The following FBXW11 variants were observed in gnomAD, a reference collection of about 807,000 sequenced individuals.
FBXW11 encodes the protein F-box/WD repeat-containing protein 11.
Under a neutral mutation model 77.6 loss-of-function variants are expected in FBXW11, and 19 were observed. The observed-to-expected ratio is 0.24, with a 90% CI of 0.17 to 0.36. FBXW11 has a LOEUF of 0.36. Ranked by LOEUF, FBXW11 falls within the 10% of genes least tolerant of loss-of-function variation. The pLI is 1.00. For synonymous variants in FBXW11, 235 were observed against 249.4 expected, an observed-to-expected ratio of 0.94 and a Z score of 0.54; for missense variants, 334 against 704.2, an observed-to-expected ratio of 0.47 and a Z score of 5.95.
chr5:171,921,400 C>A (rs536064037), intron 2 of FBXW11, among the ~76,000 whole-genome samples: 1 of 152,166 alleles, frequency 6.6e-6, no homozygotes, highest in East Asian at 1.9e-4. Flanking sequence ...AAGAGTCACA[C>A]AGCTAGTAAA....
chr5:171,947,028 G>C (rs1395623860), intron 2 of FBXW11, among the ~76,000 whole-genome samples: 1 of 151,990 alleles, frequency 6.6e-6, no homozygotes, highest in African/African-American at 2.4e-5. Context: ...TAGCCAGGCT[G>C]GTCTTGAACT....
At chr5:171,990,167 G>C (rs1160353233) in intron 1 of FBXW11, among the ~76,000 whole-genome samples, 1 of 151,292 alleles carries the variant, frequency 6.6e-6, no homozygotes, top group African/African-American at 2.4e-5. Flanking sequence ...GAGAAGGGAG[G>C]GGGGTAGCAG....
intron 2 of FBXW11, among the ~76,000 whole-genome samples, chr5:171,948,385 T>C (rs922191358): frequency 1.3e-5 from 2 of 151,740 alleles, no homozygotes; most frequent in African/African-American, 2.4e-5. Context: ...GAGATTATGA[T>C]TGACTGGTTA....
At chr5:171,926,001 C>A (rs1414068442) in intron 2 of FBXW11, among the ~76,000 whole-genome samples, 1 of 152,172 alleles carries the variant, frequency 6.6e-6, no homozygotes, top group Non-Finnish European at 1.5e-5. Context: ...CTCATCTTTA[C>A]AAATAAAATT....
intron 7 of FBXW11, among the ~76,000 whole-genome samples, chr5:171,882,707 C>CT (rs34663550): frequency 0.84 from 127,127 of 151,798 alleles, 55,274 homozygotes; most frequent in East Asian, 1. Flanking sequence ...TTTCCAGCTT[C>CT]TTTTTTTTAC....
At chr5:171,917,154 CG>C (rs1401608543) in intron 2 of FBXW11, among the ~76,000 whole-genome samples, 3 of 152,026 alleles carry the variant, frequency 2.0e-5, no homozygotes, top group African/African-American at 2.4e-5. Context: ...CTCTTGAACT[CG>C]TGATCTGCCC....
intron 1 of FBXW11, chr5:171,997,189 A>C: frequency 3.4e-6 from 2 of 579,848 alleles, no homozygotes; most frequent in South Asian, 3.5e-5. Flanking sequence ...TGAGTCAGCT[A>C]TTTGGCATAA....
chr5:171,970,346 T>C lies in FBXW11; in HGVS notation c.46-12648A>G, dbSNP rs562457426. Among the ~76,000 whole-genome samples the C allele has an allele frequency of 6.6e-5, 10 of 152,322 alleles. 1 individual carries two copies. In the South Asian group the frequency reaches 1.9e-3, roughly 28 times the overall value. ...GTTCCTCCTCTCTCACCTGCCACCA[T>C]GTAAGACATGCCTGCTTCCCCTTCC... On this transcript the variant is annotated intron_variant, in intron 1 of 13. Coordinates refer to ENST00000517395, the MANE Select transcript of FBXW11 (RefSeq NM_001378974.1).
intron 2 of FBXW11, among the ~76,000 whole-genome samples, chr5:171,946,297 G>C (rs1026995823): frequency 1.3e-5 from 2 of 152,118 alleles, no homozygotes; most frequent in Admixed American, 1.3e-4. Context: ...CTGACATGCT[G>C]ATCAATCTTA....
intron 1 of FBXW11, among the ~76,000 whole-genome samples, chr5:171,972,316 AAAATAAATAAATAAAT>A (rs35891894): frequency 6.7e-5 from 9 of 134,714 alleles, no homozygotes; most frequent in South Asian, 5.2e-4. Context: ...CGTCTCTACA[AAAATAAATAAATAAAT>A]AAATAAATAA....
intron 2 of FBXW11, among the ~76,000 whole-genome samples, chr5:171,947,471 G>C (rs1763072022): frequency 6.6e-6 from 1 of 151,948 alleles, no homozygotes; most frequent in South Asian, 2.1e-4. Context: ...GGCCAAAGCG[G>C]GCAGACCACT....
At chr5:171,973,322 G>T (rs921453692) in intron 1 of FBXW11, among the ~76,000 whole-genome samples, 2 of 152,224 alleles carry the variant, frequency 1.3e-5, no homozygotes, top group Admixed American at 6.5e-5. Context: ...AGGAAAAAAA[G>T]ATGGGAGAGG....
intron 2 of FBXW11, among the ~76,000 whole-genome samples, chr5:171,946,263 T>C (rs547215212): frequency 1.3e-5 from 2 of 152,306 alleles, no homozygotes; most frequent in African/African-American, 2.4e-5. Context: ...CTACTATTGA[T>C]TCTGTTTCTC....
chr5:171,959,847 C>CA (rs756379284), intron 1 of FBXW11, among the ~76,000 whole-genome samples: 12 of 138,288 alleles, frequency 8.7e-5, no homozygotes, highest in African/African-American at 1.7e-4. Context: ...GAGACTGCCT[C>CA]AAAAAAAAAA....
At chr5:171,885,307 CA>C (rs1165872251) in intron 7 of FBXW11, among the ~76,000 whole-genome samples, 2 of 152,212 alleles carry the variant, frequency 1.3e-5, no homozygotes, top group Non-Finnish European at 2.9e-5. Flanking sequence ...GTAAAACTCA[CA>C]AAAGTGTGGT....
intron 1 of FBXW11, among the ~76,000 whole-genome samples, chr5:171,960,464 T>C (rs760809886): frequency 9.9e-5 from 15 of 152,238 alleles, no homozygotes; most frequent in Non-Finnish European, 2.1e-4. Flanking sequence ...TTTTTACTTA[T>C]TCAGTAAAAA....
chr5:171,906,661 T>A (rs1760547587), intron 4 of FBXW11, among the ~76,000 whole-genome samples: 1 of 152,140 alleles, frequency 6.6e-6, no homozygotes, highest in Non-Finnish European at 1.5e-5. Flanking sequence ...ACAATACCCA[T>A]AAAGTATTAC....
chr5:171,922,126 A>G (rs1348299686), intron 2 of FBXW11, among the ~76,000 whole-genome samples: 1 of 152,184 alleles, frequency 6.6e-6, no homozygotes, highest in Non-Finnish European at 1.5e-5. Context: ...GATATATCTC[A>G]AACTTTCTAC....
intron 1 of FBXW11, among the ~76,000 whole-genome samples, chr5:171,979,071 C>T (rs1765004352): frequency 6.6e-6 from 1 of 152,122 alleles, no homozygotes; most frequent in South Asian, 2.1e-4. Context: ...ATGAAATACT[C>T]ATGCTCTTAA....
Sources: gnomAD v4.1 joint callset for allele counts (sites outside exome capture counted in the v4.1 genomes callset) on GRCh38, gnomAD v4.1.1 for gene constraint, MANE v1.5 for transcripts, NCBI Gene and HGNC (gene_info 2026-07-23, HGNC 2026-07-21) for gene names.